The following CACNA1C variants were observed in gnomAD, a reference collection of about 807,000 sequenced individuals.
CACNA1C encodes calcium voltage-gated channel subunit alpha1 C, also known as voltage-dependent L-type calcium channel subunit alpha-1C.
CACNA1C carries 30 observed loss-of-function variants against 229.0 expected under a neutral mutation model. The observed-to-expected ratio is 0.13, with a 90% CI of 0.10 to 0.18. The LOEUF (loss-of-function observed/expected upper bound fraction) is 0.18, where lower values mean the gene tolerates loss of function less well. Ranked by LOEUF, CACNA1C falls within the 10% of genes least tolerant of loss-of-function variation. The pLI is 1.00. For missense variants in CACNA1C, 1,658 were observed against 2,845.0 expected, an observed-to-expected ratio of 0.58 and a Z score of 9.49; for synonymous variants, 1,114 against 1,132.5, an observed-to-expected ratio of 0.98 and a Z score of 0.33.
chr12:2,310,957 A>G (rs1464310140), intron 3 of CACNA1C, among the ~76,000 whole-genome samples: 1 of 152,226 alleles, frequency 6.6e-6, no homozygotes, highest in Non-Finnish European at 1.5e-5. Context: ...CTGCAACAGC[A>G]TAAAGTGCCT....
chr12:1,991,324 A>G (rs917309434), intron 1 of CACNA1C: 128 of 435,430 alleles, frequency 2.9e-4, no homozygotes, highest in Admixed American at 1.8e-4. Context: ...AAATCATTAT[A>G]AAATACGGAA....
At chr12:2,469,085 A>ACC (rs1036178185) in intron 5 of CACNA1C, among the ~76,000 whole-genome samples, 5 of 152,220 alleles carry the variant, frequency 3.3e-5, no homozygotes, top group African/African-American at 1.2e-4. Flanking sequence ...TGTTGGGGGT[A>ACC]CCCCAGTAGA....
At chr12:2,419,181 C>T (rs753750681) in intron 3 of CACNA1C, among the ~76,000 whole-genome samples, 5 of 152,122 alleles carry the variant, frequency 3.3e-5, no homozygotes, top group East Asian at 1.9e-4. Context: ...AAAGAGGTTT[C>T]GTTGGCTCAC....
At chr12:2,170,885 G>A (rs1224778159) in intron 3 of CACNA1C, among the ~76,000 whole-genome samples, 1 of 152,246 alleles carries the variant, frequency 6.6e-6, no homozygotes, top group Non-Finnish European at 1.5e-5. Context: ...GGGGTTGGTG[G>A]GCATGAGAAT....
chr12:2,499,644 G>T (rs2099754534), intron 7 of CACNA1C, among the ~76,000 whole-genome samples: 1 of 152,148 alleles, frequency 6.6e-6, no homozygotes, highest in South Asian at 2.1e-4. Context: ...GCCAAGGCAG[G>T]GGCCGTCCTG....
chr12:2,615,254 G>A (rs1018970295), intron 29 of CACNA1C, among the ~76,000 whole-genome samples: 1 of 152,176 alleles, frequency 6.6e-6, no homozygotes, highest in Admixed American at 6.5e-5. Flanking sequence ...ATATTCTGAA[G>A]GTAATTAAAT....
At chr12:2,400,185 C>T (rs1438567075) in intron 3 of CACNA1C, among the ~76,000 whole-genome samples, 4 of 152,124 alleles carry the variant, frequency 2.6e-5, no homozygotes, top group East Asian at 1.9e-4. Flanking sequence ...AACTGAGGCT[C>T]GGGAAAGTTA....
chr12:2,678,684 T>C lies in CACNA1C; in HGVS notation c.5092-760T>C, dbSNP rs4765968. 0.15 allele frequency among the ~76,000 whole-genome samples: 22,894 copies of C among 152,194 alleles called. 3,399 individuals carry two copies. The highest frequency in any genetic ancestry group is 0.38 in the African/African-American group (15,742 of 41,468). On this transcript the variant is annotated intron_variant, in intron 41 of 46. Transcript: ENST00000399655. The surrounding 1 kb of genome is among the most constrained non-coding windows in gnomAD (Gnocchi z 4.1). ...TCCGTCTCTTCCTCATCCTTATTCT[T>C]GTCACTGGGAGACATTCGTCACTGA...
At chr12:2,208,944 A>C (rs960988174) in intron 3 of CACNA1C, among the ~76,000 whole-genome samples, 6 of 152,204 alleles carry the variant, frequency 3.9e-5, no homozygotes, top group African/African-American at 1.4e-4. Context: ...GTGCTCCAGC[A>C]CTGTGATCCC....
chr12:2,189,435 C>T (rs563293846), intron 3 of CACNA1C, among the ~76,000 whole-genome samples: 14 of 152,284 alleles, frequency 9.2e-5, no homozygotes, highest in East Asian at 5.8e-4. Context: ...TTGCACGCTG[C>T]GGGAGCAGGC....
At chr12:2,061,791 C>G (rs2057609240) in intron 1 of CACNA1C, among the ~76,000 whole-genome samples, 1 of 152,184 alleles carries the variant, frequency 6.6e-6, no homozygotes, top group African/African-American at 2.4e-5. Flanking sequence ...AACGTGAATT[C>G]CCCAAACCTA....
chr12:2,576,298 G>A (rs1056988419), intron 13 of CACNA1C, among the ~76,000 whole-genome samples: 10 of 152,206 alleles, frequency 6.6e-5, no homozygotes, highest in African/African-American at 1.4e-4. Flanking sequence ...CAATGATGGC[G>A]ACGCAGGCAG....
At chr12:2,680,146 C>A (rs1172562512) in intron 42 of CACNA1C, among the ~76,000 whole-genome samples, 2 of 152,190 alleles carry the variant, frequency 1.3e-5, no homozygotes, top group Non-Finnish European at 2.9e-5. Flanking sequence ...AGTCTCTGCC[C>A]AAACCTGGCC....
At chr12:2,176,463 G>T (rs541425281) in intron 3 of CACNA1C, among the ~76,000 whole-genome samples, 119 of 152,152 alleles carry the variant, frequency 7.8e-4, no homozygotes, top group African/African-American at 2.6e-3. Context: ...CGCTTGGGGA[G>T]AAGATGGAGA....
chr12:2,024,167 C>T (rs1451127585), intron 1 of CACNA1C, among the ~76,000 whole-genome samples: 3 of 152,192 alleles, frequency 2.0e-5, no homozygotes, highest in Admixed American at 6.5e-5. Context: ...ATTTACTGCA[C>T]TGCAAGCCCT....
intron 30 of CACNA1C, among the ~76,000 whole-genome samples, chr12:2,644,360 A>G (rs1412072375): frequency 1.3e-5 from 2 of 152,192 alleles, no homozygotes; most frequent in Non-Finnish European, 2.9e-5. Context: ...TGGCCACCTG[A>G]CCGCAGGAGA....
At chr12:2,659,064 T>C (rs550988219) in intron 34 of CACNA1C, among the ~76,000 whole-genome samples, 21 of 152,296 alleles carry the variant, frequency 1.4e-4, no homozygotes, top group Middle Eastern at 3.4e-3. Flanking sequence ...TTTTATAAAT[T>C]TGTGTAGCCT....
chr12:2,203,189 C>T (rs1445523160), intron 3 of CACNA1C, among the ~76,000 whole-genome samples: 3 of 152,212 alleles, frequency 2.0e-5, no homozygotes, highest in South Asian at 2.1e-4. Context: ...GCCACAGGAG[C>T]GACCAGCCAG....
intron 3 of CACNA1C, among the ~76,000 whole-genome samples, chr12:2,173,764 A>G (rs1315777122): frequency 1.3e-5 from 2 of 152,072 alleles, no homozygotes; most frequent in Non-Finnish European, 2.9e-5. Flanking sequence ...TCTGTGCCTC[A>G]GTTCCCTGAT....
Sources: gnomAD v4.1 joint callset for allele counts (sites outside exome capture counted in the v4.1 genomes callset) on GRCh38, gnomAD v4.1.1 for gene constraint, Gnocchi (gnomAD v3.1) non-coding constraint, MANE v1.5 for transcripts, NCBI Gene and HGNC (gene_info 2026-07-23, HGNC 2026-07-21) for gene names.